Variants in PNLIPRP3 observed in about 807,000 individuals in gnomAD.
PNLIPRP3 encodes the protein pancreatic lipase related protein 3.
In PNLIPRP3, 58 loss-of-function variants were observed where a neutral mutation model predicts 52.8. That is an observed-to-expected ratio of 1.10 (90% CI 0.89 to 1.37). The LOEUF is 1.37. PNLIPRP3 is among the 40% of genes most tolerant of loss of function. The probability of loss-of-function intolerance (pLI) is 0.00; values close to 1 mark genes in which losing one functional copy is unlikely to be tolerated. For synonymous variants in PNLIPRP3, 192 were observed against 185.0 expected, an observed-to-expected ratio of 1.04 and a Z score of -0.31; for missense variants, 593 against 561.6, an observed-to-expected ratio of 1.06 and a Z score of -0.57.
intron 2 of PNLIPRP3, chr10:116,439,839 C>T (rs973840689): frequency 6.4e-6 from 5 of 778,204 alleles, no homozygotes; most frequent in Middle Eastern, 2.6e-4. Flanking sequence ...GATCATAGCG[C>T]ACTTTAATCA....
intron 10 of PNLIPRP3, among the ~76,000 whole-genome samples, chr10:116,476,005 G>C (rs536875608): frequency 1.4e-4 from 22 of 152,228 alleles, no homozygotes; most frequent in Admixed American, 1.2e-3. Flanking sequence ...TGGGTGCCAC[G>C]ACCAATCTGG....
chr10:116,477,189 A>G lies in PNLIPRP3; in HGVS notation c.*36A>G. ...AGTCTTGATGGATTTCTTTAGTAGG[A>G]GCAATGAAGAAAAGTGTCTCCTTCC... On this transcript the variant is annotated 3_prime_UTR_variant, in exon 12 of 12. Coordinates refer to ENST00000369230, the MANE Select transcript of PNLIPRP3 (RefSeq NM_001011709.3). 9 of 1,520,220 alleles carry G rather than the reference A, an allele frequency of 5.9e-6. No individual in the cohort carries two copies. Among genetic ancestry groups the G allele is most frequent in the Non-Finnish European group, 8.1e-6 (9 of 1,108,344 alleles). 94.2% of individuals were successfully genotyped at this position (1,520,220 alleles called of 1,614,324 possible). A position where few individuals can be genotyped will look rare whatever the true frequency, so the allele number is the denominator to read the frequency against.
rs143092620 is a variant in PNLIPRP3, at chr10:116,475,346, G to A, written c.1173-1306G>A. ...ATAACTAATGGGTACTAGGCTTAAT[G>A]TCTGGGTGATGAAGTAATCTGTACA... On this transcript the variant is annotated intron_variant, in intron 10 of 11. Coordinates refer to ENST00000369230, the MANE Select transcript of PNLIPRP3 (RefSeq NM_001011709.3). Among the ~76,000 whole-genome samples, 890 of 152,232 alleles carry A rather than the reference G, an allele frequency of 5.8e-3. 3 individuals carry two copies. Among genetic ancestry groups the A allele is most frequent in the Non-Finnish European group, 9.4e-3 (640 of 68,006 alleles).
intron 4 of PNLIPRP3, 71 bp downstream of exon 4, chr10:116,444,584 A>G: frequency 7.0e-7 from 1 of 1,438,290 alleles, no homozygotes; most frequent in Non-Finnish European, 9.7e-7. Context: ...AGTTGGGACA[A>G]TTTAATGTCT....
intron 5 of PNLIPRP3, among the ~76,000 whole-genome samples, chr10:116,459,094 C>T (rs1846154887): frequency 6.6e-6 from 1 of 152,054 alleles, no homozygotes; most frequent in Non-Finnish European, 1.5e-5. Context: ...CTCTTAGCTT[C>T]TATGATTCCG....
intron 4 of PNLIPRP3, among the ~76,000 whole-genome samples, chr10:116,450,997 G>T (rs185429369): frequency 6.6e-6 from 1 of 151,906 alleles, no homozygotes; most frequent in South Asian, 2.1e-4. Context: ...ACAATCTCGA[G>T]AAAGAAGAAC....
chr10:116,476,924 C>A, intron 11 of PNLIPRP3, 105 bp downstream of exon 11: 1 of 1,304,710 alleles, frequency 7.7e-7, no homozygotes, highest in Non-Finnish European at 1.0e-6. Flanking sequence ...AATTTATAGA[C>A]TTTGAAATTT....
intron 1 of PNLIPRP3, among the ~76,000 whole-genome samples, chr10:116,435,820 T>C (rs1589975088): frequency 6.6e-6 from 1 of 152,308 alleles, no homozygotes; most frequent in East Asian, 1.9e-4. Context: ...GTAATTTTTT[T>C]ACAGAAATAG....
intron 4 of PNLIPRP3, among the ~76,000 whole-genome samples, chr10:116,448,804 T>G (rs1052345833): frequency 5.3e-5 from 8 of 152,012 alleles, no homozygotes; most frequent in African/African-American, 1.9e-4. Flanking sequence ...TCACTTGAGG[T>G]CAAGAGTTCA....
intron 5 of PNLIPRP3, 105 bp downstream of exon 5, chr10:116,455,935 C>A: frequency 1.3e-6 from 1 of 799,452 alleles, no homozygotes; most frequent in Non-Finnish European, 2.0e-6. Context: ...ATATAAGATA[C>A]TACAAAATGT....
intron 5 of PNLIPRP3, among the ~76,000 whole-genome samples, chr10:116,459,929 G>A (rs932795074): frequency 1.3e-5 from 2 of 152,086 alleles, no homozygotes; most frequent in African/African-American, 2.4e-5. Flanking sequence ...TACCATGCCT[G>A]GCTAAATTTT....
chr10:116,435,375 T>C (rs1402748331), intron 1 of PNLIPRP3, among the ~76,000 whole-genome samples: 1 of 150,760 alleles, frequency 6.6e-6, no homozygotes, highest in Non-Finnish European at 1.5e-5. Context: ...CAGGTTCTAA[T>C]GAATATGTTG....
chr10:116,432,318 A>G (rs1845718491), intron 1 of PNLIPRP3, among the ~76,000 whole-genome samples: 1 of 152,218 alleles, frequency 6.6e-6, no homozygotes. Flanking sequence ...ATAAGAACTA[A>G]TATGCCAATT....
chr10:116,439,399 G>A, intron 2 of PNLIPRP3: 1 of 545,262 alleles, frequency 1.8e-6, no homozygotes. Flanking sequence ...TAAGAAATGT[G>A]TCAATTACAG....
chr10:116,467,085 T>C (rs1426043050), intron 8 of PNLIPRP3, among the ~76,000 whole-genome samples: 1 of 152,204 alleles, frequency 6.6e-6, no homozygotes, highest in Non-Finnish European at 1.5e-5. Context: ...GGAGTCTTTG[T>C]ATATTTGGAG....
chr10:116,437,394 G>A (rs185417606), intron 2 of PNLIPRP3, among the ~76,000 whole-genome samples: 67 of 152,280 alleles, frequency 4.4e-4, no homozygotes, highest in African/African-American at 1.5e-3. Context: ...GTATCCTGCA[G>A]GATGGGCAAA....
intron 4 of PNLIPRP3, among the ~76,000 whole-genome samples, chr10:116,446,202 TG>T (rs1318582843): frequency 2.0e-5 from 3 of 151,668 alleles, no homozygotes; most frequent in Non-Finnish European, 4.4e-5. Flanking sequence ...AAAAATTAGC[TG>T]GGTGTGTTGG....
chr10:116,469,314 G>C lies in PNLIPRP3; in HGVS notation c.1057G>C (p.Ala353Pro). 1 of 1,600,160 alleles carries C rather than the reference G, an allele frequency of 6.2e-7. No individual in the cohort carries two copies. ...FLNTGSLSPFARWRHKLSVKL... is the reference protein window; with the variant it reads ...FLNTGSLSPFPRWRHKLSVKL... ...AAACACAGGGTCCCTTTCCCCATTTGCCCGTAAGTATCATAGCTAAGTTTA... is the reference window on the plus strand; with the variant it reads ...AAACACAGGGTCCCTTTCCCCATTTCCCCGTAAGTATCATAGCTAAGTTTA... The change falls in exon 9 of 12, where the codon GCC (alanine) becomes CCC (proline). Residue 353 changes from alanine (A) to proline (P), a missense_variant. Physicochemically the swap from Ala to Pro is conservative, Grantham distance 27. Transcript: ENST00000369230.
At chr10:116,446,235 A>G (rs1273906033) in intron 4 of PNLIPRP3, among the ~76,000 whole-genome samples, 1 of 151,094 alleles carries the variant, frequency 6.6e-6, no homozygotes, top group Non-Finnish European at 1.5e-5. Flanking sequence ...AGTCCCAGCT[A>G]CTCGGGAGGC....
Sources: gnomAD v4.1 joint callset for allele counts (sites outside exome capture counted in the v4.1 genomes callset) on GRCh38, gnomAD v4.1.1 for gene constraint, MANE v1.5 for transcripts, NCBI Gene and HGNC (gene_info 2026-07-23, HGNC 2026-07-21) for gene names.